The following CAMKMT variants were observed in gnomAD, a reference collection of about 807,000 sequenced individuals.
The protein encoded by CAMKMT is calmodulin-lysine N-methyltransferase.
Under a neutral mutation model 48.0 loss-of-function variants are expected in CAMKMT, and 53 were observed. That is an observed-to-expected ratio of 1.10 (90% CI 0.89 to 1.39). CAMKMT has a LOEUF of 1.39. Among genes scored for constraint, CAMKMT ranks in the 40% most tolerant of loss-of-function variants. CAMKMT has a pLI of 0.00. For missense variants in CAMKMT, 428 were observed against 402.7 expected, an observed-to-expected ratio of 1.06 and a Z score of -0.54; for synonymous variants, 165 against 152.3, an observed-to-expected ratio of 1.08 and a Z score of -0.61.
At chr2:44,596,007 G>A (rs947533730) in intron 3 of CAMKMT, among the ~76,000 whole-genome samples, 3 of 151,830 alleles carry the variant, frequency 2.0e-5, no homozygotes, top group Non-Finnish European at 2.9e-5. Context: ...ACTGGGGGAG[G>A]AGTAGCATTA....
intron 3 of CAMKMT, chr2:44,456,466 AT>A: frequency 7.2e-7 from 1 of 1,391,096 alleles, no homozygotes; most frequent in East Asian, 2.5e-5. Flanking sequence ...TTATATAAAT[AT>A]GTACATTCTT....
intron 3 of CAMKMT, among the ~76,000 whole-genome samples, chr2:44,549,137 C>A (rs965907668): frequency 6.6e-6 from 1 of 152,150 alleles, no homozygotes; most frequent in East Asian, 1.9e-4. Flanking sequence ...TCTGGTACAT[C>A]GGCTAAGCTC....
At chr2:44,456,618 C>CT in intron 3 of CAMKMT, 1 of 1,547,760 alleles carries the variant, frequency 6.5e-7, no homozygotes, top group Non-Finnish European at 8.7e-7. Context: ...GTAACTCTTC[C>CT]TTTTTTGTTT....
chr2:44,630,971 A>C (rs1400447657), intron 3 of CAMKMT, among the ~76,000 whole-genome samples: 4 of 152,062 alleles, frequency 2.6e-5, no homozygotes, highest in Non-Finnish European at 4.4e-5. Flanking sequence ...GGCACTATTC[A>C]CAATAGCAAA....
At chr2:44,395,563 A>G (rs1172596395) in intron 3 of CAMKMT, among the ~76,000 whole-genome samples, 1 of 152,096 alleles carries the variant, frequency 6.6e-6, no homozygotes, top group Non-Finnish European at 1.5e-5. Context: ...GGTACATGGG[A>G]TATGAAGTTC....
chr2:44,448,126 C>G (rs1234841249), intron 3 of CAMKMT, among the ~76,000 whole-genome samples: 1 of 152,086 alleles, frequency 6.6e-6, no homozygotes, highest in Non-Finnish European at 1.5e-5. Context: ...ATGTGGGGAA[C>G]TAACCAGTTC....
chr2:44,746,974 T>G (rs986153611), intron 8 of CAMKMT, among the ~76,000 whole-genome samples: 7 of 152,204 alleles, frequency 4.6e-5, no homozygotes, highest in African/African-American at 1.4e-4. Context: ...TCCAGTTTAT[T>G]GTAGCTCTGC....
chr2:44,634,451 T>C (rs1221319362), intron 3 of CAMKMT, among the ~76,000 whole-genome samples: 1 of 152,008 alleles, frequency 6.6e-6, no homozygotes. Context: ...TAATTGGAGG[T>C]CAACTCTAGT....
In CAMKMT at chr2:44,509,095, C is replaced by CAAAAAA. The variant is rs10666078; in HGVS notation, c.376+118798_376+118803dup. Among the ~76,000 whole-genome samples the CAAAAAA allele has an allele frequency of 1.6e-4, 22 of 140,800 alleles. 1 individual carries two copies. Among genetic ancestry groups the CAAAAAA allele is most frequent in the East Asian group, 6.5e-4 (3 of 4,636 alleles). 92.4% of individuals were successfully genotyped at this position (140,800 alleles called of 152,430 possible). A position where few individuals can be genotyped will look rare whatever the true frequency, so the allele number is the denominator to read the frequency against. On this transcript the variant is annotated intron_variant, in intron 3 of 10. Transcript: ENST00000378494. The stretch of plus-strand genomic sequence containing the variant: ...TGGATGACAGACCCAGACCCCATGT[C>CAAAAAA]AAAAAAAAAAAAATTATATGTCTTA...
chr2:44,444,699 A>T (rs765962637), intron 3 of CAMKMT, among the ~76,000 whole-genome samples: 8 of 152,184 alleles, frequency 5.3e-5, no homozygotes, highest in Non-Finnish European at 1.0e-4. Flanking sequence ...TTATCCTGCA[A>T]ATCCTGCCAG....
intron 3 of CAMKMT, among the ~76,000 whole-genome samples, chr2:44,426,353 G>T (rs1012854339): frequency 1.3e-4 from 20 of 152,072 alleles, no homozygotes; most frequent in African/African-American, 4.6e-4. Context: ...TCAGGCAAGA[G>T]AAAGAAAGAA....
chr2:44,402,758 TTACTTTTTC>T (rs1352290683), intron 3 of CAMKMT, among the ~76,000 whole-genome samples: 11 of 149,214 alleles, frequency 7.4e-5, no homozygotes, highest in Non-Finnish European at 1.3e-4. Context: ...TTTTTTTTTT[TTACTTTTTC>T]TTTACTTTTA....
chr2:44,533,487 C>T (rs1197915089), intron 3 of CAMKMT, among the ~76,000 whole-genome samples: 1 of 152,178 alleles, frequency 6.6e-6, no homozygotes, highest in Admixed American at 6.5e-5. Flanking sequence ...GATCCATCTG[C>T]CTTGGCCTCC....
intron 3 of CAMKMT, among the ~76,000 whole-genome samples, chr2:44,590,451 A>G (rs966264737): frequency 3.3e-5 from 5 of 152,186 alleles, no homozygotes; most frequent in African/African-American, 9.7e-5. Flanking sequence ...TTGCCATTCT[A>G]TCTGGCGTGA....
At chr2:44,481,683 TC>T (rs1317093792) in intron 3 of CAMKMT, among the ~76,000 whole-genome samples, 1 of 152,076 alleles carries the variant, frequency 6.6e-6, no homozygotes, top group Non-Finnish European at 1.5e-5. Context: ...AACAAAACAT[TC>T]CCTAATGATA....
intron 3 of CAMKMT, among the ~76,000 whole-genome samples, chr2:44,667,830 G>A (rs141849880): frequency 4.8e-4 from 73 of 152,178 alleles, no homozygotes; most frequent in African/African-American, 9.4e-4. Flanking sequence ...CTCCAACACC[G>A]TTTACGTTTT....
At chr2:44,425,951 G>A (rs982907995) in intron 3 of CAMKMT, among the ~76,000 whole-genome samples, 9 of 152,034 alleles carry the variant, frequency 5.9e-5, no homozygotes, top group African/African-American at 1.9e-4. Context: ...GGCTGGTCTC[G>A]AACTCCTGAC....
At chr2:44,719,272 C>G (rs1480513984) in intron 7 of CAMKMT, among the ~76,000 whole-genome samples, 1 of 152,176 alleles carries the variant, frequency 6.6e-6, no homozygotes, top group African/African-American at 2.4e-5. Context: ...TCAGCCTACC[C>G]TAATCTTTTT....
At position 44,377,365 on chromosome 2, in the gene CAMKMT, A is replaced by G. The variant is rs1472328088; in HGVS notation, c.311+4477A>G. ...AGGCTCTTGTTATTAGATAGATGCA[A>G]GTATATAAGCTAAGAGACACCAGGA... On this transcript the variant is annotated intron_variant, in intron 2 of 10. Transcript: ENST00000378494. Among the ~76,000 whole-genome samples, 4 of 152,278 alleles carry G rather than the reference A, an allele frequency of 2.6e-5. No homozygotes were observed. The East Asian group carries it at 7.7e-4, about 29-fold the overall frequency.
Sources: allele counts gnomAD v4.1 joint callset (sites outside exome capture counted in the v4.1 genomes callset), GRCh38; gene constraint gnomAD v4.1.1; transcripts MANE v1.5; gene names NCBI Gene and HGNC (gene_info 2026-07-23, HGNC 2026-07-21).